The following CFAP52 variants were observed in gnomAD, a reference collection of about 807,000 sequenced individuals.
CFAP52 encodes the protein cilia- and flagella-associated protein 52.
A neutral mutation model predicts 70.5 loss-of-function variants in CFAP52; 57 were observed. The ratio of observed to expected loss-of-function variants is 0.81; its 90% confidence interval spans 0.65 to 1.01. CFAP52 has a LOEUF of 1.01. Among genes scored for constraint, CFAP52 ranks in the 50% least tolerant of loss-of-function variants. CFAP52 has a pLI of 0.00. For missense variants in CFAP52, 785 were observed against 788.5 expected (o/e 1.00, Z 0.05); for synonymous variants, 267 against 292.5 (o/e 0.91, Z 0.89).
chr17:9,588,803 A>C (rs1908615484), intron 3 of CFAP52, among the ~76,000 whole-genome samples: 2 of 128,134 alleles, frequency 1.6e-5, no homozygotes, highest in African/African-American at 3.0e-5. Context: ...ATGGAGTTTC[A>C]CTCTTGTTGC....
intron 12 of CFAP52, among the ~76,000 whole-genome samples, chr17:9,640,274 A>G (rs1910993725): frequency 7.2e-6 from 1 of 138,654 alleles, no homozygotes; most frequent in African/African-American, 2.8e-5. Context: ...CATGTGCAGG[A>G]TGTGCAGGTT....
chr17:9,599,986 C>A, intron 5 of CFAP52, 81 bp from the exon 6 acceptor site: 1 of 1,156,784 alleles, frequency 8.6e-7, no homozygotes, highest in Non-Finnish European at 1.3e-6. Context: ...GGTGATCCAC[C>A]CGCCTCGGCC....
intron 1 of CFAP52, 147 bp from the exon 2 acceptor site, chr17:9,585,626 T>C (rs1908428844): frequency 2.5e-6 from 2 of 792,320 alleles, no homozygotes; most frequent in Non-Finnish European, 4.2e-6. Context: ...AGCCCAAGAC[T>C]GCACCATTGC....
In CFAP52 at chr17:9,636,331, G is replaced by A. The variant is rs574890793; in HGVS notation, c.1472+775G>A. Among the ~76,000 whole-genome samples the A allele has an allele frequency of 2.6e-5, 4 of 152,310 alleles. No homozygotes were observed. In the South Asian group the frequency reaches 8.3e-4, roughly 32 times the overall value. On this transcript the variant is annotated intron_variant, in intron 11 of 13. Coordinates refer to ENST00000352665, the MANE Select transcript of CFAP52 (RefSeq NM_145054.5). ...TGAAGCCCAGAATGAACTTCCCATG[G>A]AGGGGAGGGATGCTGGTGGGACATA...
chr17:9,577,920 C>T (rs1292535298), intron 1 of CFAP52, among the ~76,000 whole-genome samples: 1 of 152,006 alleles, frequency 6.6e-6, no homozygotes, highest in African/African-American at 2.4e-5. Flanking sequence ...GGTGAAATCC[C>T]ATCTATACTA....
chr17:9,600,259 TG>T, intron 6 of CFAP52, 76 bp downstream of exon 6: 2 of 1,234,650 alleles, frequency 1.6e-6, no homozygotes, highest in Non-Finnish European at 2.4e-6. Flanking sequence ...TTTTCCTTTT[TG>T]AGATGCAGTC....
At chr17:9,616,361 C>T (rs1567630785) in intron 8 of CFAP52, among the ~76,000 whole-genome samples, 2 of 118,014 alleles carry the variant, frequency 1.7e-5, no homozygotes, top group African/African-American at 3.5e-5. Flanking sequence ...CCCACGGAAT[C>T]TCGCTGATTG....
At chr17:9,622,575 T>A (rs9900804) in intron 8 of CFAP52, among the ~76,000 whole-genome samples, 50,393 of 147,932 alleles carry the variant, frequency 0.34, 10,381 homozygotes, top group African/African-American at 0.6. Context: ...AAGAAGAAGA[T>A]GATGATGATG....
intron 8 of CFAP52, among the ~76,000 whole-genome samples, chr17:9,616,543 G>T (rs994559058): frequency 6.9e-6 from 1 of 145,204 alleles, no homozygotes; most frequent in African/African-American, 2.7e-5. Flanking sequence ...ACCTCTGGGG[G>T]CAGGGCACAG....
At chr17:9,628,977 C>G (rs943439397) in intron 9 of CFAP52, among the ~76,000 whole-genome samples, 157 bp downstream of exon 9, 4 of 152,162 alleles carry the variant, frequency 2.6e-5, no homozygotes, top group African/African-American at 9.7e-5. Flanking sequence ...TTTGGAGTTT[C>G]CTTCCAGCTG....
chr17:9,581,203 G>A (rs1333089349), intron 1 of CFAP52, among the ~76,000 whole-genome samples: 2 of 152,186 alleles, frequency 1.3e-5, no homozygotes, highest in Admixed American at 6.5e-5. Context: ...TGTAGTCCCA[G>A]CTACTCGGGA....
rs148905544 is a variant in CFAP52 at position 9,585,891 on chromosome 17, T to C, written c.189T>C (p.His63=). 57 of 1,613,798 alleles carry C rather than the reference T, an allele frequency of 3.5e-5. No individual in the cohort carries two copies. The highest frequency in any genetic ancestry group is 2.2e-5 in the East Asian group (1 of 44,854). ...NTKEQNFLQG[H]GNNVSCLAIS... ...AAGAGCAGAACTTCCTACAGGGTCATGGCAACAACGTCTCCTGCTTGGCCA... is the reference window on the plus strand; with the variant it reads ...AAGAGCAGAACTTCCTACAGGGTCACGGCAACAACGTCTCCTGCTTGGCCA... Residue 63 remains histidine (H), a synonymous_variant, in exon 2 of 14, where the codon CAT becomes CAC. Coordinates refer to ENST00000352665, the MANE Select transcript of CFAP52 (RefSeq NM_145054.5).
chr17:9,644,162 C>T (rs1202470082), downstream of CFAP52, among the ~76,000 whole-genome samples: 1 of 152,122 alleles, frequency 6.6e-6, no homozygotes, highest in Non-Finnish European at 1.5e-5. Context: ...TAGCTCTTGT[C>T]GCCCGGCTGG....
At chr17:9,586,581 A>AAT (rs1567620483) in intron 2 of CFAP52, 117 bp from the exon 3 acceptor site, 1 of 1,358,100 alleles carries the variant, frequency 7.4e-7, no homozygotes, top group African/African-American at 1.5e-5. Context: ...AAAAAAAAAA[A>AAT]AAAAGAAAGA....
chr17:9,636,913 C>G (rs1469675886), intron 11 of CFAP52, among the ~76,000 whole-genome samples: 1 of 152,190 alleles, frequency 6.6e-6, no homozygotes, highest in South Asian at 2.1e-4. Context: ...GGCGTGGTGG[C>G]GCGTGCCTGT....
downstream of CFAP52, among the ~76,000 whole-genome samples, chr17:9,643,794 G>A (rs1184703007): frequency 7.9e-5 from 12 of 152,190 alleles, no homozygotes; most frequent in Non-Finnish European, 1.5e-4. Context: ...GAAAATGTGT[G>A]GTGTTGGGGA....
Position 9,638,690 on chromosome 17 carries a change from C to T in CFAP52, c.1554C>T (p.Ile518=), listed in dbSNP as rs1165582724. 3 of 1,614,152 alleles carry T rather than the reference C, an allele frequency of 1.9e-6. No individual in the cohort carries two copies. In the South Asian group the frequency reaches 3.3e-5, roughly 18 times the overall value. ...VCYHPEEFQI[I]TSGTDRKIAY... ...ATCACCCTGAGGAGTTCCAGATCATCACCAGCGGAACAGACAGAAAGGTGA... is the reference window on the plus strand; with the variant it reads ...ATCACCCTGAGGAGTTCCAGATCATTACCAGCGGAACAGACAGAAAGGTGA... Residue 518 remains isoleucine (I), a synonymous_variant, in exon 12 of 14, where the codon ATC becomes ATT. Transcript: ENST00000352665.
intron 9 of CFAP52, among the ~76,000 whole-genome samples, chr17:9,631,194 G>T (rs1031235563): frequency 4.6e-5 from 7 of 151,702 alleles, no homozygotes; most frequent in Non-Finnish European, 8.8e-5. Flanking sequence ...TCACCTACAA[G>T]GCTCCATGTG....
rs370902588 is a variant in CFAP52 at position 9,641,827 on chromosome 17, T to G, written c.1679T>G (p.Phe560Cys). 6.8e-6 allele frequency: 11 copies of G among 1,613,348 alleles called. No individual in the cohort carries two copies. The highest frequency in any genetic ancestry group is 9.3e-6 in the Non-Finnish European group (11 of 1,179,532). The change falls in exon 13 of 14, where the codon TTT becomes TGT. Residue 560 changes from phenylalanine to cysteine, a missense_variant. Physicochemically the swap from Phe to Cys is radical, Grantham distance 205. Transcript: ENST00000352665. ...GATATCACACAGGAAGGGGTGCACTTTGTCACAGGTTAGTCCTGGGATAGG... is the reference window on the plus strand; with the variant it reads ...GATATCACACAGGAAGGGGTGCACTGTGTCACAGGTTAGTCCTGGGATAGG... Reference protein sequence around the residue: ...GMDITQEGVHFVTGGNDHLVK... With the variant: ...GMDITQEGVHCVTGGNDHLVK...
Sources: gnomAD v4.1 joint callset for allele counts (sites outside exome capture counted in the v4.1 genomes callset) on GRCh38, gnomAD v4.1.1 for gene constraint, MANE v1.5 for transcripts, NCBI Gene and HGNC (gene_info 2026-07-23, HGNC 2026-07-21) for gene names.